EFL1: variants seen among roughly 807,000 people sequenced by gnomAD.
EFL1 encodes the protein elongation factor like GTPase 1, also known as elongation factor-like GTPase 1.
EFL1 carries 76 observed loss-of-function variants against 126.7 expected under a neutral mutation model. The ratio of observed to expected loss-of-function variants is 0.60; its 90% CI spans 0.50 to 0.73. The LOEUF (loss-of-function observed/expected upper bound fraction) is 0.73. EFL1 is among the 30% of genes least tolerant of loss of function. EFL1 has a pLI of 0.00. For missense variants in EFL1, 1,128 were observed against 1,343.2 expected (o/e 0.84, Z 2.50); for synonymous variants, 410 against 448.4 (o/e 0.91, Z 1.08).
chr15:82,164,737 A>C (rs775445030), intron 15 of EFL1, among the ~76,000 whole-genome samples: 18 of 152,066 alleles, frequency 1.2e-4, no homozygotes, highest in Non-Finnish European at 2.5e-4. Context: ...CTCTACTAAA[A>C]ATACAAAAAA....
At chr15:82,215,204 C>T (rs1024709467) in intron 14 of EFL1, among the ~76,000 whole-genome samples, 6 of 152,160 alleles carry the variant, frequency 3.9e-5, no homozygotes, top group African/African-American at 4.8e-5. Context: ...CTGGTGACTA[C>T]TGTGCTATCA....
chr15:82,164,480 A>T (rs2074056988), intron 15 of EFL1, among the ~76,000 whole-genome samples: 1 of 152,130 alleles, frequency 6.6e-6, no homozygotes, highest in East Asian at 1.9e-4. Context: ...TTTAGAAGAG[A>T]ATCCTAGTCA....
chr15:82,200,034 G>A (rs2074450560), intron 15 of EFL1, among the ~76,000 whole-genome samples: 1 of 152,194 alleles, frequency 6.6e-6, no homozygotes, highest in Non-Finnish European at 1.5e-5. Context: ...ACAAACTACA[G>A]TTGTATGGGA....
intron 15 of EFL1, among the ~76,000 whole-genome samples, chr15:82,211,101 A>C (rs1368652816): frequency 3.3e-5 from 5 of 151,408 alleles, no homozygotes; most frequent in African/African-American, 1.2e-4. Flanking sequence ...TTTCAAAGAA[A>C]AAAAAAAAAA....
rs138293262 is a variant in EFL1 at position 82,234,264 on chromosome 15, C to T, written c.732-3293G>A. ...GAATGCTCACAAATCAGGAAATCAACAAGTACGACCGTATTATATGACTGA... is the reference window on the plus strand; with the variant it reads ...GAATGCTCACAAATCAGGAAATCAATAAGTACGACCGTATTATATGACTGA... On this transcript the variant is annotated intron_variant, in intron 7 of 19. Transcript: ENST00000268206. 1.7e-4 allele frequency among the ~76,000 whole-genome samples: 26 copies of T among 152,284 alleles called. No homozygotes were observed. The East Asian group carries it at 4.6e-3, about 27-fold the overall frequency.
intron 15 of EFL1, among the ~76,000 whole-genome samples, chr15:82,176,154 T>C (rs929971313): frequency 6.6e-6 from 1 of 152,062 alleles, no homozygotes; most frequent in Non-Finnish European, 1.5e-5. Flanking sequence ...ATAATTGACA[T>C]TGACTCCCAC....
At chr15:82,225,745 A>G (rs1234892266) in intron 11 of EFL1, among the ~76,000 whole-genome samples, 3 of 152,242 alleles carry the variant, frequency 2.0e-5, no homozygotes, top group Admixed American at 6.5e-5. Flanking sequence ...GTATTATGAT[A>G]TTAACAAATT....
chr15:82,215,147 T>A (rs1308892771), intron 14 of EFL1, among the ~76,000 whole-genome samples: 1 of 152,232 alleles, frequency 6.6e-6, no homozygotes, highest in East Asian at 1.9e-4. Flanking sequence ...CTTTAGCTGA[T>A]CCTCACAGTC....
chr15:82,151,335 C>A, intron 18 of EFL1, 130 bp downstream of exon 18: 1 of 861,046 alleles, frequency 1.2e-6, no homozygotes, highest in Non-Finnish European at 1.8e-6. Flanking sequence ...TTGCAGTGAG[C>A]CGAGATTGTG....
At chr15:82,248,584 C>T (rs1401433740) in intron 4 of EFL1, among the ~76,000 whole-genome samples, 3 of 152,116 alleles carry the variant, frequency 2.0e-5, no homozygotes, top group Non-Finnish European at 2.9e-5. Flanking sequence ...GATCAACTTG[C>T]ATATGGACCT....
chr15:82,197,228 G>A (rs987480562), intron 15 of EFL1, among the ~76,000 whole-genome samples: 1 of 152,052 alleles, frequency 6.6e-6, no homozygotes, highest in African/African-American at 2.4e-5. Context: ...TTTGTTTAGA[G>A]CTAAAAAAAA....
At chr15:82,193,971 C>G (rs566194251) in intron 15 of EFL1, among the ~76,000 whole-genome samples, 18 of 152,336 alleles carry the variant, frequency 1.2e-4, no homozygotes, top group Admixed American at 1.3e-4. Context: ...CTGAACCAGG[C>G]TACTCTCTGT....
rs539869449 is a variant in EFL1, at chr15:82,201,982, T to C, written c.1750+12735A>G. On this transcript the variant is annotated intron_variant, in intron 15 of 19. Transcript: ENST00000268206. ...GTCACACTCCAACCCGAATCTGGAG[T>C]GGGGCTCCAACATCAATGTTGACAA... Among the ~76,000 whole-genome samples the C allele has an allele frequency of 2.6e-5, 4 of 151,358 alleles. No individual in the cohort carries two copies. The East Asian group carries it at 7.8e-4, about 29-fold the overall frequency.
At chr15:82,247,019 A>G (rs1199252819) in intron 4 of EFL1, among the ~76,000 whole-genome samples, 6 of 152,150 alleles carry the variant, frequency 3.9e-5, no homozygotes, top group African/African-American at 1.2e-4. Flanking sequence ...AATATGACAG[A>G]AGGTCAAGAA....
At chr15:82,240,698 G>C in intron 5 of EFL1, 143 bp from the exon 6 acceptor site, 1 of 899,592 alleles carries the variant, frequency 1.1e-6, no homozygotes, top group South Asian at 1.8e-5. Flanking sequence ...GTATACAGCG[G>C]AGTAGCAAAG....
chr15:82,192,210 G>C (rs1380057985), intron 15 of EFL1, among the ~76,000 whole-genome samples: 1 of 151,998 alleles, frequency 6.6e-6, no homozygotes, highest in African/African-American at 2.4e-5. Flanking sequence ...GACAAGCCTG[G>C]CCAACATGGC....
intron 7 of EFL1, among the ~76,000 whole-genome samples, chr15:82,231,966 G>A (rs1250555856): frequency 2.0e-5 from 3 of 152,090 alleles, no homozygotes; most frequent in African/African-American, 4.8e-5. Context: ...CACCCAGAAC[G>A]GCACACAGAG....
chr15:82,261,970 A>G, intron 1 of EFL1, 173 bp from the exon 2 acceptor site: 1 of 553,540 alleles, frequency 1.8e-6, no homozygotes, highest in South Asian at 2.4e-5. Flanking sequence ...TTCGAGCACT[A>G]AAGTCAGTAT....
intron 6 of EFL1, among the ~76,000 whole-genome samples, chr15:82,239,982 T>C (rs1368595725): frequency 1.3e-5 from 2 of 152,240 alleles, no homozygotes; most frequent in African/African-American, 4.8e-5. Context: ...ATAGGGATTC[T>C]GACCTGTTCA....
Sources: gnomAD v4.1 joint callset for allele counts (sites outside exome capture counted in the v4.1 genomes callset) on GRCh38, gnomAD v4.1.1 for gene constraint, MANE v1.5 for transcripts, NCBI Gene and HGNC (gene_info 2026-07-23, HGNC 2026-07-21) for gene names.